The following NRCAM variants were observed in gnomAD, a reference collection of about 807,000 sequenced individuals.
NRCAM encodes the protein neuronal cell adhesion molecule, also known as NgCAM-related cell adhesion molecule.
Under a neutral mutation model 156.5 loss-of-function variants are expected in NRCAM, and 83 were observed. The observed-to-expected ratio is 0.53, with a 90% CI of 0.44 to 0.64. The LOEUF (loss-of-function observed/expected upper bound fraction) is 0.64, where lower values mean the gene tolerates loss of function less well. NRCAM is among the 30% of genes least tolerant of loss of function. The probability of loss-of-function intolerance (pLI) is 0.00; values close to 1 mark genes in which losing one functional copy is unlikely to be tolerated. For synonymous variants in NRCAM, 538 were observed against 563.9 expected (o/e 0.95, Z 0.65); for missense variants, 1,417 against 1,597.3 (o/e 0.89, Z 1.92).
rs965915912 is a variant in NRCAM at position 108,336,572 on chromosome 7, T to C, written c.-173-23841A>G. ...CTCAGTATTGTGCCAGCGAAGAATA[T>C]AGTTTTCCAGATTCTTCTAGGGTTC... On this transcript the variant is annotated intron_variant, in intron 2 of 32. Transcript: ENST00000379028. Among the ~76,000 whole-genome samples, 6 of 152,194 alleles carry C rather than the reference T, an allele frequency of 3.9e-5. No individual in the cohort carries two copies. The East Asian group carries it at 5.8e-4, about 15-fold the overall frequency.
intron 3 of NRCAM, among the ~76,000 whole-genome samples, chr7:108,275,190 T>C (rs886960381): frequency 7.2e-5 from 11 of 152,218 alleles, no homozygotes; most frequent in African/African-American, 2.4e-4. Context: ...GATATTGGCC[T>C]AAAATTCTCT....
At chr7:108,282,419 A>G (rs905659605) in intron 3 of NRCAM, among the ~76,000 whole-genome samples, 5 of 152,222 alleles carry the variant, frequency 3.3e-5, no homozygotes, top group African/African-American at 1.2e-4. Context: ...AGTAGCACTC[A>G]TCTACCTATT....
chr7:108,284,736 G>A (rs79614420), intron 3 of NRCAM, among the ~76,000 whole-genome samples: 6,755 of 152,240 alleles, frequency 0.044, 180 homozygotes, highest in Middle Eastern at 0.095. Context: ...TCTGTCCCCA[G>A]GAAGTGATTT....
At chr7:108,178,467 G>A in intron 25 of NRCAM, 1 of 354,196 alleles carries the variant, frequency 2.8e-6, no homozygotes, top group Non-Finnish European at 5.4e-6. Context: ...TATTCTAACT[G>A]GATCTGAGTG....
chr7:108,236,175 T>C (rs957707196), intron 5 of NRCAM, among the ~76,000 whole-genome samples: 2 of 152,194 alleles, frequency 1.3e-5, no homozygotes, highest in Non-Finnish European at 2.9e-5. Context: ...GCTAAATGTA[T>C]CACCTCCACA....
chr7:108,207,730 C>A, intron 12 of NRCAM, 71 bp from the exon 13 acceptor site: 1 of 1,343,586 alleles, frequency 7.4e-7, no homozygotes, highest in South Asian at 1.4e-5. Flanking sequence ...ACATATTGAA[C>A]TATTTTAATA....
At chr7:108,340,306 T>G (rs1477936790) in intron 2 of NRCAM, among the ~76,000 whole-genome samples, 1 of 152,208 alleles carries the variant, frequency 6.6e-6, no homozygotes, top group African/African-American at 2.4e-5. Context: ...CCAGAGTGCA[T>G]GTACCTTTTT....
At chr7:108,344,389 C>T (rs1401058535) in intron 2 of NRCAM, among the ~76,000 whole-genome samples, 5 of 152,038 alleles carry the variant, frequency 3.3e-5, no homozygotes, top group Admixed American at 6.5e-5. Context: ...GGACAATGAT[C>T]GGGATATAAA....
chr7:108,173,784 C>T (rs1354607750), intron 28 of NRCAM, among the ~76,000 whole-genome samples: 1 of 152,134 alleles, frequency 6.6e-6, no homozygotes, highest in Non-Finnish European at 1.5e-5. Context: ...TCATAAGTAG[C>T]TCACAATTCA....
chr7:108,184,652 A>C, intron 20 of NRCAM, 38 bp from the exon 21 acceptor site: 2 of 1,586,426 alleles, frequency 1.3e-6, no homozygotes, highest in Non-Finnish European at 1.7e-6. Flanking sequence ...CAAGACCGTG[A>C]ATTCAGTCAA....
chr7:108,396,440 C>A (rs539958127), intron 2 of NRCAM, among the ~76,000 whole-genome samples: 1 of 152,270 alleles, frequency 6.6e-6, no homozygotes, highest in East Asian at 1.9e-4. Context: ...ACTAATGCAG[C>A]GTTTCCATAA....
At chr7:108,413,687 T>C (rs1022525783) in intron 1 of NRCAM, among the ~76,000 whole-genome samples, 1 of 152,234 alleles carries the variant, frequency 6.6e-6, no homozygotes. Flanking sequence ...GACAGGAATA[T>C]AGGGGGCAAT....
chr7:108,427,659 T>C (rs1819085436), intron 1 of NRCAM, among the ~76,000 whole-genome samples: 2 of 152,190 alleles, frequency 1.3e-5, no homozygotes, highest in African/African-American at 2.4e-5. Flanking sequence ...TGCTTATATA[T>C]AAATACTTCA....
intron 1 of NRCAM, among the ~76,000 whole-genome samples, chr7:108,430,259 C>A (rs1464064752): frequency 3.3e-5 from 5 of 152,110 alleles, no homozygotes; most frequent in African/African-American, 1.2e-4. Flanking sequence ...GTTAGAGGAT[C>A]CTCTGTTTGC....
intron 3 of NRCAM, among the ~76,000 whole-genome samples, chr7:108,263,558 C>G (rs2096964603): frequency 6.6e-6 from 1 of 152,254 alleles, no homozygotes; most frequent in Non-Finnish European, 1.5e-5. Flanking sequence ...GCTAGTGTGG[C>G]TCAGCCATGA....
At position 108,191,276 on chromosome 7, in the gene NRCAM, A is replaced by C; in HGVS notation, c.1911T>G (p.Thr637=). Residue 637 remains threonine, a synonymous_variant, in exon 19 of 33, where the codon ACT becomes ACG. Transcript: ENST00000379028. ...TACCGTAAACGGGAGCTGGAGTTGG[A>C]GTAGGAGCTAGAAAGGACATTAATA... ...ASAVLSVVAP[T]PTPAPVYDVP... 2 of 1,603,534 alleles carry C rather than the reference A, an allele frequency of 1.2e-6. No homozygotes were observed. The highest frequency in any genetic ancestry group is 1.7e-6 in the Non-Finnish European group (2 of 1,173,982).
At chr7:108,296,606 G>T (rs1260807333) in intron 3 of NRCAM, among the ~76,000 whole-genome samples, 1 of 152,020 alleles carries the variant, frequency 6.6e-6, no homozygotes, top group African/African-American at 2.4e-5. Context: ...ATTGTAGGGG[G>T]TCTTCATACC....
At chr7:108,170,172 CCATA>C (rs1168535261) in intron 28 of NRCAM, among the ~76,000 whole-genome samples, 14 of 151,514 alleles carry the variant, frequency 9.2e-5, no homozygotes, top group Non-Finnish European at 1.8e-4. Context: ...AAAGAAATTA[CCATA>C]TATATATATA....
chr7:108,351,294 C>T (rs375261448), intron 2 of NRCAM, among the ~76,000 whole-genome samples: 1 of 152,160 alleles, frequency 6.6e-6, no homozygotes, highest in Non-Finnish European at 1.5e-5. Flanking sequence ...AGGCTCCAAA[C>T]CTGTAAGTCT....
Sources: gnomAD v4.1 joint callset for allele counts (sites outside exome capture counted in the v4.1 genomes callset) on GRCh38, gnomAD v4.1.1 for gene constraint, MANE v1.5 for transcripts, NCBI Gene and HGNC (gene_info 2026-07-23, HGNC 2026-07-21) for gene names.